Variants in WNT8B observed in about 807,000 individuals in gnomAD.
WNT8B encodes protein Wnt-8b.
Under a neutral mutation model 36.6 loss-of-function variants are expected in WNT8B, and 24 were observed. That is an observed-to-expected ratio of 0.66 (90% CI 0.48 to 0.92). The LOEUF is 0.92. WNT8B is among the 40% of genes least tolerant of loss of function. The pLI, the probability that WNT8B is intolerant of heterozygous loss-of-function variation, is 0.00. For missense variants in WNT8B, 402 were observed against 470.8 expected, an observed-to-expected ratio of 0.85 and a Z score of 1.35; for synonymous variants, 199 against 189.8, an observed-to-expected ratio of 1.05 and a Z score of -0.40.
At chr10:100,480,973 A>C (rs777427405) in intron 3 of WNT8B, 25 bp from the exon 4 acceptor site, 11 of 1,612,090 alleles carry the variant, frequency 6.8e-6, no homozygotes, top group Non-Finnish European at 9.3e-6. Context: ...CCTCCCTCTA[A>C]CTCTGGATTT....
intron 1 of WNT8B, among the ~76,000 whole-genome samples, chr10:100,466,284 A>C (rs1850906703): frequency 6.6e-6 from 1 of 152,110 alleles, no homozygotes; most frequent in Admixed American, 6.6e-5. Flanking sequence ...TGCCTGATCC[A>C]TTAAAAAAAA....
At chr10:100,480,129 A>G (rs1851091840) in intron 3 of WNT8B, 117 bp downstream of exon 3, 1 of 1,253,454 alleles carries the variant, frequency 8.0e-7, no homozygotes, top group East Asian at 2.7e-5. Context: ...CTCTTAGGTC[A>G]TCTCCCTCTC....
Position 100,469,483 on chromosome 10 carries a change from G to A in WNT8B, c.68+6247G>A, listed in dbSNP as rs368172527. On this transcript the variant is annotated intron_variant, in intron 1 of 5. Transcript: ENST00000343737. The stretch of plus-strand genomic sequence containing the variant: ...CCTAATCCCTTCCCCTAGTTAAATA[G>A]GAAAGCCTGATTTCAATACTTTGGA... 2.0e-4 allele frequency among the ~76,000 whole-genome samples: 30 copies of A among 152,280 alleles called. No individual in the cohort carries two copies. In the Middle Eastern group the frequency reaches 0.02, roughly 104 times the overall value.
chr10:100,482,870 C>T lies in WNT8B; in HGVS notation c.*54C>T, dbSNP rs1851138522. 1 of 1,435,924 alleles carries T rather than the reference C, an allele frequency of 7.0e-7. No individual in the cohort carries two copies. Among genetic ancestry groups the T allele is most frequent in the Admixed American group, 2.8e-5 (1 of 35,200 alleles). 88.9% of individuals were successfully genotyped at this position (1,435,924 alleles called of 1,614,324 possible). A position where few individuals can be genotyped will look rare whatever the true frequency, so the allele number is the denominator to read the frequency against. On this transcript the variant is annotated 3_prime_UTR_variant, in exon 6 of 6. Coordinates refer to ENST00000343737, the MANE Select transcript of WNT8B (RefSeq NM_003393.4). The surrounding 1 kb of genome is among the most constrained non-coding windows in gnomAD (Gnocchi z 6.6). ...CTGGTTCTTGGCTTCCTTTAGAGAC[C>T]CCGGTAATTGTGGAACCTAGGGAAT...
intron 1 of WNT8B, among the ~76,000 whole-genome samples, chr10:100,475,903 C>T (rs1346595127): frequency 1.3e-5 from 2 of 152,136 alleles, no homozygotes; most frequent in Admixed American, 6.5e-5. Context: ...TTAAGTCATT[C>T]TGAATTGTAT....
chr10:100,480,491 T>C lies in WNT8B; in HGVS notation c.241+479T>C, dbSNP rs545419193. On this transcript the variant is annotated intron_variant, in intron 3 of 5. Coordinates refer to ENST00000343737, the MANE Select transcript of WNT8B (RefSeq NM_003393.4). ...TTCAAGACTAACTGCACATGACTCT[T>C]AGACCCTAAGTGTTCCAGGAGGAAG... 4.6e-5 allele frequency among the ~76,000 whole-genome samples: 7 copies of C among 152,342 alleles called. No homozygotes were observed. The South Asian group carries it at 6.2e-4, about 14-fold the overall frequency.
Position 100,482,945 on chromosome 10 carries a change from A to G in WNT8B, c.*129A>G, listed in dbSNP as rs1186441037. On this transcript the variant is annotated 3_prime_UTR_variant, in exon 6 of 6. Transcript: ENST00000343737. This position sits in a 1 kb window ranked among gnomAD's most constrained non-coding sequence, Gnocchi z 6.6. ...GGGATCCTGAGAGGGAGAGACTGCA[A>G]TTTCTCCAAAGCTTGCCACTTTCCA... 3 of 1,084,518 alleles carry G rather than the reference A, an allele frequency of 2.8e-6. No individual in the cohort carries two copies. Among genetic ancestry groups the G allele is most frequent in the Non-Finnish European group, 3.8e-6 (3 of 790,472 alleles). 67.2% of individuals were successfully genotyped at this position (1,084,518 alleles called of 1,614,324 possible).
At chr10:100,471,789 G>A (rs1242903666) in intron 1 of WNT8B, among the ~76,000 whole-genome samples, 2 of 152,092 alleles carry the variant, frequency 1.3e-5, no homozygotes. Context: ...AGATATAATA[G>A]TTTCTACCTC....
At chr10:100,475,687 T>C (rs1457673116) in intron 1 of WNT8B, among the ~76,000 whole-genome samples, 4 of 152,198 alleles carry the variant, frequency 2.6e-5, no homozygotes, top group Admixed American at 1.3e-4. Context: ...TTCTGTCTTA[T>C]GGAAAATGGG....
chr10:100,477,076 C>T (rs1851047139), intron 1 of WNT8B, among the ~76,000 whole-genome samples: 1 of 152,188 alleles, frequency 6.6e-6, no homozygotes, highest in African/African-American at 2.4e-5. Context: ...AACCACTGAT[C>T]TGTCCTCCAG....
intron 1 of WNT8B, among the ~76,000 whole-genome samples, chr10:100,473,076 TTACTATGTTCAAAG>T (rs1247322855): frequency 6.6e-6 from 1 of 152,198 alleles, no homozygotes; most frequent in African/African-American, 2.4e-5. Context: ...TTATAGGCAC[TTACTATGTTCAAAG>T]TACTAGATTA....
intron 3 of WNT8B, 94 bp from the exon 4 acceptor site, chr10:100,480,904 G>A: frequency 7.2e-7 from 1 of 1,387,282 alleles, no homozygotes; most frequent in Non-Finnish European, 1.0e-6. Context: ...AGGGAAAGAG[G>A]ATATAATGAT....
chr10:100,465,519 CATA>C (rs1290070356), intron 1 of WNT8B, among the ~76,000 whole-genome samples: 8 of 152,162 alleles, frequency 5.3e-5, no homozygotes, highest in African/African-American at 1.4e-4. Context: ...AATGATATGT[CATA>C]ATGACAGTGG....
In WNT8B at chr10:100,482,275, T is replaced by C. The variant is rs1224123290; in HGVS notation, c.515T>C (p.Val172Ala). 5.1e-6 allele frequency: 8 copies of C among 1,583,482 alleles called. No homozygotes were observed. The highest frequency in any genetic ancestry group is 6.8e-6 in the Non-Finnish European group (8 of 1,169,268). Residue 172 changes from valine (V) to alanine (A), a missense_variant, in exon 6 of 6, where the codon GTG (valine) becomes GCG (alanine). By Grantham distance (64) the Val-to-Ala change is moderately conservative (BLOSUM62 0). Around this residue, in one of 3 missense-constraint regions of WNT8B, gnomAD observed 256 missense variants for 278.6 expected, o/e 0.92. Coordinates refer to ENST00000343737, the MANE Select transcript of WNT8B (RefSeq NM_003393.4). The surrounding 1 kb of genome is among the most constrained non-coding windows in gnomAD (Gnocchi z 6.6). ...CACTCCTAGCTCTCTCCCCAGGCGG[T>C]GAAGGGCACCATGAAACGCACGTGC... Reference protein sequence around the residue: ...LHNNEAGRKAVKGTMKRTCKC... With the variant: ...LHNNEAGRKAAKGTMKRTCKC...
chr10:100,468,150 T>C (rs918663564), intron 1 of WNT8B, among the ~76,000 whole-genome samples: 1 of 152,252 alleles, frequency 6.6e-6, no homozygotes, highest in African/African-American at 2.4e-5. Context: ...GCAGTAGAAA[T>C]TGATGGTTGG....
At chr10:100,469,222 C>A (rs1850946641) in intron 1 of WNT8B, among the ~76,000 whole-genome samples, 1 of 152,176 alleles carries the variant, frequency 6.6e-6, no homozygotes, top group Non-Finnish European at 1.5e-5. Flanking sequence ...TTTCTCCTTT[C>A]TCTTTTTTCT....
rs1309608932 is a variant in WNT8B, at chr10:100,472,116, C to CT, written c.69-6924dup. The stretch of plus-strand genomic sequence containing the variant: ...GGCTGAGGTGGGAAGATTTCTTTTT[C>CT]TTTTTTTTTTTTGAGATGGAGTCTT... On this transcript the variant is annotated intron_variant, in intron 1 of 5. Coordinates refer to ENST00000343737, the MANE Select transcript of WNT8B (RefSeq NM_003393.4). Among the ~76,000 whole-genome samples the CT allele has an allele frequency of 3.8e-3, 528 of 137,568 alleles. 7 individuals are homozygous for CT. Among genetic ancestry groups the CT allele is most frequent in the African/African-American group, 0.013 (429 of 34,230 alleles). 90.2% of individuals were successfully genotyped at this position (137,568 alleles called of 152,430 possible).
At chr10:100,473,407 C>G (rs923502323) in intron 1 of WNT8B, among the ~76,000 whole-genome samples, 1 of 152,056 alleles carries the variant, frequency 6.6e-6, no homozygotes, top group Admixed American at 6.6e-5. Context: ...AAAAAGAAAC[C>G]CTTTATTTAT....
At position 100,479,076 on chromosome 10, in the gene WNT8B, T is replaced by G; in HGVS notation, c.93T>G (p.Thr31=). 2 of 1,603,020 alleles carry G rather than the reference T, an allele frequency of 1.2e-6. No individual in the cohort carries two copies. The highest frequency in any genetic ancestry group is 1.7e-6 in the Non-Finnish European group (2 of 1,177,268). Residue 31 remains threonine, a synonymous_variant, in exon 2 of 6, where the codon ACT becomes ACG. Transcript: ENST00000343737. ...HSWSVNNFLM[T]GPKAYLIYSS... ...GGTCGGTGAACAATTTCCTGATGACTGGTCCAAAGGTAAGAACAAATTCCA... is the reference window on the plus strand; with the variant it reads ...GGTCGGTGAACAATTTCCTGATGACGGGTCCAAAGGTAAGAACAAATTCCA...
Sources: allele counts gnomAD v4.1 joint callset (sites outside exome capture counted in the v4.1 genomes callset), GRCh38; gene constraint gnomAD v4.1.1; regional missense constraint gnomAD v4.1.1; non-coding constraint Gnocchi (gnomAD v3.1); transcripts MANE v1.5; gene names NCBI Gene and HGNC (gene_info 2026-07-23, HGNC 2026-07-21).